DCC: variants seen among roughly 807,000 people sequenced by gnomAD.
DCC encodes DCC netrin 1 receptor, also known as netrin receptor DCC.
Under a neutral mutation model 172.5 loss-of-function variants are expected in DCC, and 58 were observed. The ratio of observed to expected loss-of-function variants is 0.34; its 90% CI spans 0.27 to 0.42. The LOEUF (loss-of-function observed/expected upper bound fraction) is 0.42. Among genes scored for constraint, DCC ranks in the 10% least tolerant of loss-of-function variants. The pLI, the probability that DCC is intolerant of heterozygous loss-of-function variation, is 1.00. For synonymous variants in DCC, 709 were observed against 644.5 expected (o/e 1.10, Z -1.52); for missense variants, 1,740 against 1,791.0 (o/e 0.97, Z 0.51).
chr18:52,773,457 A>G (rs1374442713), intron 2 of DCC, among the ~76,000 whole-genome samples: 1 of 152,160 alleles, frequency 6.6e-6, no homozygotes, highest in African/African-American at 2.4e-5. Flanking sequence ...TGATATAAAA[A>G]GTTTATAGGA....
chr18:52,439,833 T>G (rs538429245), intron 1 of DCC, among the ~76,000 whole-genome samples: 1 of 152,338 alleles, frequency 6.6e-6, no homozygotes, highest in African/African-American at 2.4e-5. Flanking sequence ...TATTACGCAT[T>G]GCATGCCTGT....
At chr18:53,473,864 A>G (rs2045728624) in intron 25 of DCC, among the ~76,000 whole-genome samples, 1 of 152,142 alleles carries the variant, frequency 6.6e-6, no homozygotes, top group Non-Finnish European at 1.5e-5. Flanking sequence ...AGGCTCTGAG[A>G]GTCTGAACTT....
rs1988560108 is a variant in DCC at position 52,459,476 on chromosome 18, C to G, written c.91+118598C>G. Among the ~76,000 whole-genome samples the G allele has an allele frequency of 1.3e-5, 2 of 151,782 alleles. 1 individual carries two copies. Among genetic ancestry groups the G allele is most frequent in the East Asian group, 3.9e-4 (2 of 5,162 alleles). On this transcript the variant is annotated intron_variant, in intron 1 of 28. Coordinates refer to ENST00000442544, the MANE Select transcript of DCC (RefSeq NM_005215.4). ...TTTGGTTTTCTTTCTTTCTTTCTTT[C>G]TTTCTTTTTGAAACAGAGTCTCACT...
intron 15 of DCC, among the ~76,000 whole-genome samples, chr18:53,378,203 C>T (rs1307676038): frequency 6.6e-6 from 1 of 152,108 alleles, no homozygotes; most frequent in East Asian, 1.9e-4. Flanking sequence ...TCAGGTTATC[C>T]ACCTGCCTCA....
chr18:53,289,986 A>G (rs929199173), intron 12 of DCC, among the ~76,000 whole-genome samples: 2 of 152,214 alleles, frequency 1.3e-5, no homozygotes, highest in African/African-American at 4.8e-5. Context: ...ATTTTGATTC[A>G]AAGCAATAGA....
intron 5 of DCC, among the ~76,000 whole-genome samples, chr18:52,929,817 AACACACACACAC>A (rs34457182): frequency 0.43 from 61,655 of 144,772 alleles, 13,646 homozygotes; most frequent in Non-Finnish European, 0.51. Flanking sequence ...GGACTTTGCA[AACACACACACAC>A]ACACACACAC....
intron 5 of DCC, among the ~76,000 whole-genome samples, chr18:52,984,749 C>G (rs973580025): frequency 1.3e-5 from 2 of 152,068 alleles, no homozygotes; most frequent in East Asian, 3.9e-4. Flanking sequence ...ATGATTCCCT[C>G]CAGAGCTAAG....
At chr18:52,632,381 A>G (rs1671721748) in intron 1 of DCC, among the ~76,000 whole-genome samples, 2 of 152,186 alleles carry the variant, frequency 1.3e-5, no homozygotes, top group Admixed American at 6.5e-5. Context: ...AATGATCCCA[A>G]TGTTCAACAT....
chr18:52,683,309 CA>C (rs1046837435), intron 1 of DCC, among the ~76,000 whole-genome samples: 1 of 151,986 alleles, frequency 6.6e-6, no homozygotes, highest in African/African-American at 2.4e-5. Context: ...ACTGCTACAT[CA>C]TATAAGGAGT....
In DCC at chr18:52,486,408, A is replaced by G. The variant is rs143573129; in HGVS notation, c.91+145530A>G. On this transcript the variant is annotated intron_variant, in intron 1 of 28. Transcript: ENST00000442544. ...ATAGATTCCTGAACAGCTAGACCTG[A>G]TATACACCTTATAGCCTCCAACTGA... 1.7e-3 allele frequency among the ~76,000 whole-genome samples: 256 copies of G among 152,262 alleles called. 2 individuals are homozygous for G. Among genetic ancestry groups the G allele is most frequent in the Non-Finnish European group, 2.9e-3 (195 of 68,000 alleles).
intron 5 of DCC, among the ~76,000 whole-genome samples, chr18:53,053,816 AAATC>A (rs2042366572): frequency 6.6e-6 from 1 of 152,172 alleles, no homozygotes; most frequent in South Asian, 2.1e-4. Flanking sequence ...TTTAACACTT[AAATC>A]TTGTTTTCCT....
chr18:52,734,782 A>T (rs556015223), intron 1 of DCC, among the ~76,000 whole-genome samples: 67 of 152,306 alleles, frequency 4.4e-4, no homozygotes, highest in African/African-American at 1.5e-3. Context: ...TACTTAAAAA[A>T]AGTTACCATT....
chr18:52,676,703 T>C (rs2035651971), intron 1 of DCC, among the ~76,000 whole-genome samples: 1 of 152,186 alleles, frequency 6.6e-6, no homozygotes, highest in Non-Finnish European at 1.5e-5. Flanking sequence ...CTGTCCCAAG[T>C]GCAACGTGAG....
At chr18:53,454,018 T>C (rs1461579403) in intron 23 of DCC, among the ~76,000 whole-genome samples, 2 of 152,204 alleles carry the variant, frequency 1.3e-5, no homozygotes, top group Non-Finnish European at 2.9e-5. Context: ...CAGTTTCTAT[T>C]AGTGAGATTA....
chr18:52,774,175 T>G (rs985545397), intron 2 of DCC, among the ~76,000 whole-genome samples: 2 of 152,154 alleles, frequency 1.3e-5, no homozygotes, highest in Non-Finnish European at 2.9e-5. Flanking sequence ...AAAATGAAAA[T>G]TGTTTAGCTT....
intron 19 of DCC, among the ~76,000 whole-genome samples, chr18:53,403,720 T>C (rs780610272): frequency 1.3e-5 from 2 of 152,098 alleles, no homozygotes; most frequent in Non-Finnish European, 1.5e-5. Flanking sequence ...TTTTTTTGCA[T>C]ACAAGAGCTG....
intron 1 of DCC, among the ~76,000 whole-genome samples, chr18:52,744,098 A>T (rs2036869823): frequency 6.6e-6 from 1 of 152,162 alleles, no homozygotes; most frequent in South Asian, 2.1e-4. Context: ...AAAATACAGG[A>T]TGCTCTGTTA....
chr18:52,747,852 T>A (rs1568079039), intron 1 of DCC, among the ~76,000 whole-genome samples: 1 of 152,226 alleles, frequency 6.6e-6, no homozygotes. Context: ...GGACATTTCT[T>A]AGTCCTGTGT....
At chr18:52,679,279 G>A (rs2035699644) in intron 1 of DCC, among the ~76,000 whole-genome samples, 2 of 151,772 alleles carry the variant, frequency 1.3e-5, no homozygotes, top group African/African-American at 4.8e-5. Context: ...AAAGACTTAG[G>A]AACACAGGAA....
Sources: allele counts gnomAD v4.1 joint callset (sites outside exome capture counted in the v4.1 genomes callset), GRCh38; gene constraint gnomAD v4.1.1; transcripts MANE v1.5; gene names NCBI Gene and HGNC (gene_info 2026-07-23, HGNC 2026-07-21).